BBS9: variants seen among roughly 807,000 people sequenced by gnomAD.
BBS9 encodes protein PTHB1.
Under a neutral mutation model 117.7 loss-of-function variants are expected in BBS9, and 89 were observed. The ratio of observed to expected loss-of-function variants is 0.76; its 90% CI spans 0.64 to 0.90. The LOEUF is 0.90. BBS9 is among the 40% of genes least tolerant of loss of function. The pLI is 0.00. For synonymous variants in BBS9, 379 were observed against 370.9 expected (o/e 1.02, Z -0.25); for missense variants, 982 against 1,042.2 (o/e 0.94, Z 0.80).
In BBS9 at chr7:33,307,380, G is replaced by A. The variant is rs370788721; in HGVS notation, c.1017-29061G>A. Among the ~76,000 whole-genome samples the A allele has an allele frequency of 3.9e-5, 6 of 152,028 alleles. No homozygotes were observed. The East Asian group carries it at 7.7e-4, about 20-fold the overall frequency. On this transcript the variant is annotated intron_variant, in intron 9 of 22. Coordinates refer to ENST00000242067, the MANE Select transcript of BBS9 (RefSeq NM_198428.3). ...TTTGTTGTGGTCTGTTATTATTGATGGTTTATCATAAACCATCTAGAATTT... is the reference window on the plus strand; with the variant it reads ...TTTGTTGTGGTCTGTTATTATTGATAGTTTATCATAAACCATCTAGAATTT...
At chr7:33,187,717 G>A (rs866799338) in intron 5 of BBS9, among the ~76,000 whole-genome samples, 1 of 151,940 alleles carries the variant, frequency 6.6e-6, no homozygotes, top group Non-Finnish European at 1.5e-5. Flanking sequence ...TCAGGAGTTC[G>A]AGACCAGCCT....
chr7:33,192,928 A>T (rs183671966), intron 5 of BBS9, among the ~76,000 whole-genome samples: 2 of 152,344 alleles, frequency 1.3e-5, no homozygotes, highest in African/African-American at 4.8e-5. Context: ...ATCACTTCCC[A>T]AAAGGCCACA....
chr7:33,281,334 G>A (rs1037022832), intron 9 of BBS9, among the ~76,000 whole-genome samples: 10 of 133,400 alleles, frequency 7.5e-5, no homozygotes, highest in African/African-American at 2.7e-4. Flanking sequence ...AGTTCACTTA[G>A]ATATTAGTTA....
intron 19 of BBS9, among the ~76,000 whole-genome samples, chr7:33,488,494 A>G (rs971255667): frequency 2.0e-5 from 3 of 152,284 alleles, no homozygotes; most frequent in East Asian, 1.9e-4. Context: ...TGGTTCCAGT[A>G]CTAACCTCCT....
intron 21 of BBS9, among the ~76,000 whole-genome samples, chr7:33,565,031 C>G (rs541294916): frequency 6.6e-6 from 1 of 152,250 alleles, no homozygotes; most frequent in East Asian, 1.9e-4. Flanking sequence ...TATTTAAAAT[C>G]TAGATTCTAC....
chr7:33,594,180 T>C (rs368969538), intron 21 of BBS9, among the ~76,000 whole-genome samples: 1 of 152,116 alleles, frequency 6.6e-6, no homozygotes, highest in African/African-American at 2.4e-5. Flanking sequence ...TAAAATGTAT[T>C]AGACTCTCTT....
intron 21 of BBS9, among the ~76,000 whole-genome samples, chr7:33,589,910 A>G (rs1585385014): frequency 6.6e-6 from 1 of 152,142 alleles, no homozygotes; most frequent in Non-Finnish European, 1.5e-5. Flanking sequence ...GATGAGGACC[A>G]AAAACTGAGT....
At chr7:33,582,423 C>A (rs1860115874) in intron 21 of BBS9, among the ~76,000 whole-genome samples, 1 of 151,946 alleles carries the variant, frequency 6.6e-6, no homozygotes, top group African/African-American at 2.4e-5. Flanking sequence ...GGGAGAACTG[C>A]AGTCTACTCC....
chr7:33,544,197 A>G (rs1206573437), intron 21 of BBS9, among the ~76,000 whole-genome samples: 1 of 152,096 alleles, frequency 6.6e-6, no homozygotes, highest in Non-Finnish European at 1.5e-5. Flanking sequence ...ATTCTTTTTC[A>G]GGTAAATCAG....
At chr7:33,549,256 C>T (rs1192076304) in intron 21 of BBS9, among the ~76,000 whole-genome samples, 1 of 97,488 alleles carries the variant, frequency 1.0e-5, no homozygotes, top group Non-Finnish European at 2.0e-5. Flanking sequence ...CCCTTCCTTA[C>T]ACCTTATACA....
chr7:33,385,993 A>T (rs1156780950), intron 18 of BBS9, among the ~76,000 whole-genome samples: 1 of 152,004 alleles, frequency 6.6e-6, no homozygotes, highest in Non-Finnish European at 1.5e-5. Flanking sequence ...GGGTGGGGGG[A>T]GCGGAGAGGG....
intron 5 of BBS9, among the ~76,000 whole-genome samples, chr7:33,254,617 A>G (rs1249286088): frequency 6.6e-6 from 1 of 152,128 alleles, no homozygotes; most frequent in Non-Finnish European, 1.5e-5. Context: ...GAACTTACTC[A>G]TATTATAACT....
In BBS9 at chr7:33,365,160, T is replaced by A. The variant is rs139117720; in HGVS notation, c.1694-2607T>A. On this transcript the variant is annotated intron_variant, in intron 16 of 22. Transcript: ENST00000242067. ...TTATTTTGAATTCTTTGTTAACCTG[T>A]AGATGTCCATTTCTTTGGGGTCAGC... Among the ~76,000 whole-genome samples the A allele has an allele frequency of 1.8e-3, 267 of 152,252 alleles. 1 individual carries two copies. The highest frequency in any genetic ancestry group is 6.1e-3 in the African/African-American group (254 of 41,542).
At chr7:33,413,653 TA>T (rs111252198) in intron 19 of BBS9, among the ~76,000 whole-genome samples, 8 of 147,260 alleles carry the variant, frequency 5.4e-5, no homozygotes, top group Non-Finnish European at 6.0e-5. Flanking sequence ...CAGTTGCGTG[TA>T]AAAAAAAAAC....
At chr7:33,176,053 G>A (rs961546566) in intron 4 of BBS9, among the ~76,000 whole-genome samples, 5 of 152,170 alleles carry the variant, frequency 3.3e-5, no homozygotes, top group Non-Finnish European at 7.3e-5. Context: ...ATTGAAAAGA[G>A]CTAAGGGTAC....
chr7:33,315,520 A>G (rs973848649), intron 9 of BBS9, among the ~76,000 whole-genome samples: 12 of 152,184 alleles, frequency 7.9e-5, no homozygotes, highest in Non-Finnish European at 1.8e-4. Flanking sequence ...CCCTTGATGA[A>G]ACGAGCTGTA....
In BBS9 at chr7:33,512,806, C is replaced by T. The variant is rs955241586; in HGVS notation, c.2298+7161C>T. On this transcript the variant is annotated intron_variant, in intron 20 of 22. Transcript: ENST00000242067. Reference sequence around the variant, plus strand: ...GTGGCTCTGTGTCTCCCTGAATCTCCGTGTTCAGTTCATCTCCCTGGCCCG... The same window carrying T: ...GTGGCTCTGTGTCTCCCTGAATCTCTGTGTTCAGTTCATCTCCCTGGCCCG... 3.4e-4 allele frequency among the ~76,000 whole-genome samples: 51 copies of T among 152,226 alleles called. 1 individual carries two copies. The highest frequency in any genetic ancestry group is 1.6e-4 in the Non-Finnish European group (11 of 68,038).
chr7:33,450,866 T>A (rs1172435029), intron 19 of BBS9, among the ~76,000 whole-genome samples: 1 of 149,362 alleles, frequency 6.7e-6, no homozygotes, highest in Non-Finnish European at 1.5e-5. Flanking sequence ...GTTCAGAAGT[T>A]TTTTTTTTTT....
chr7:33,252,430 G>A (rs1171126052), intron 5 of BBS9, among the ~76,000 whole-genome samples: 1 of 152,090 alleles, frequency 6.6e-6, no homozygotes, highest in Non-Finnish European at 1.5e-5. Context: ...TGAAACTTTA[G>A]CATGCACCGT....
Sources: allele counts gnomAD v4.1 joint callset (sites outside exome capture counted in the v4.1 genomes callset), GRCh38; gene constraint gnomAD v4.1.1; transcripts MANE v1.5; gene names NCBI Gene and HGNC (gene_info 2026-07-23, HGNC 2026-07-21).